The following C1R variants were observed in gnomAD, a reference collection of about 807,000 sequenced individuals.
C1R encodes the protein complement C1r.
Under a neutral mutation model 27.6 loss-of-function variants are expected in C1R, and 15 were observed. The observed-to-expected ratio is 0.54, with a 90% CI of 0.36 to 0.84. The LOEUF (loss-of-function observed/expected upper bound fraction) is 0.84, where lower values mean the gene tolerates loss of function less well. Ranked by LOEUF, C1R falls within the 40% of genes least tolerant of loss-of-function variation. C1R has a pLI of 0.01. For synonymous variants in C1R, 253 were observed against 228.8 expected (o/e 1.11, Z -0.95); for missense variants, 544 against 577.9 (o/e 0.94, Z 0.60).
intron 7 of C1R, among the ~76,000 whole-genome samples, chr12:7,088,047 C>T (rs774351235): frequency 6.6e-6 from 1 of 152,194 alleles, no homozygotes; most frequent in African/African-American, 2.4e-5. Flanking sequence ...GGGAGACCAC[C>T]AACATGTGTA....
rs1394188412 is a variant in C1R at position 7,089,398 on chromosome 12, G to A, written c.663C>T (p.Asn221=). ...PRSYPPDLRC[N]YSIRVERGLT... ...GGCCCCGCTCCACCCGGATGCTGTAGTTGCAGCGCAGGTCAGGGGGGTAGG... is the reference window on the plus strand; with the variant it reads ...GGCCCCGCTCCACCCGGATGCTGTAATTGCAGCGCAGGTCAGGGGGGTAGG... The change falls in exon 5 of 11, where the codon AAC becomes AAT. Residue 221 remains asparagine, a synonymous_variant. Coordinates refer to ENST00000647956, the MANE Select transcript of C1R (RefSeq NM_001733.7). 1.3e-6 allele frequency: 1 copy of A among 780,562 alleles called. No individual in the cohort carries two copies. The highest frequency in any genetic ancestry group is 2.4e-5 in the East Asian group (1 of 41,260). 48.4% of individuals were successfully genotyped at this position (780,562 alleles called of 1,614,324 possible).
intron 7 of C1R, chr12:7,088,382 G>A: frequency 1.4e-6 from 1 of 700,212 alleles, no homozygotes; most frequent in Non-Finnish European, 2.6e-6. Flanking sequence ...CTGGAGTGCA[G>A]TGGCTATTCA....
At chr12:7,082,161 G>A in intron 9 of C1R, 55 bp from the exon 10 acceptor site, 3 of 1,001,884 alleles carry the variant, frequency 3.0e-6, no homozygotes, top group East Asian at 2.6e-5. Context: ...AGAAAACTAG[G>A]TTGCAGAGGC....
rs774918402 is a variant in C1R, at chr12:7,091,077, C to T, written c.231+375G>A. 7.2e-6 allele frequency: 2 copies of T among 276,436 alleles called. No homozygotes were observed. The highest frequency in any genetic ancestry group is 4.6e-5 in the African/African-American group (2 of 43,170). 17.1% of individuals were successfully genotyped at this position (276,436 alleles called of 1,614,324 possible). ...TGCTGCCAGAGCCCACATTTCTCCT[C>T]CTCATGTCCCTGTGTTCCTGTTGAA... On this transcript the variant is annotated intron_variant, in intron 2 of 10. Transcript: ENST00000647956. This position sits in a 1 kb window ranked among gnomAD's most constrained non-coding sequence, Gnocchi z 5.1.
rs1031627439 is a variant in C1R, at chr12:7,082,211, G to A, written c.1274-105C>T. ...TGTGCTTGATGGGGAGAGGGGCAGG[G>A]AGGAGCCAACATGGCAAGGGCCAAA... is the stretch of plus-strand genomic sequence containing the variant. On this transcript the variant is annotated intron_variant, in intron 9 of 10. Transcript: ENST00000647956. 1.4e-5 allele frequency: 10 copies of A among 715,880 alleles called. No individual in the cohort carries two copies. In the Admixed American group the frequency reaches 2.0e-4, roughly 14 times the overall value. 44.3% of individuals were successfully genotyped at this position (715,880 alleles called of 1,614,324 possible).
chr12:7,087,258 G>C (rs936040604), intron 7 of C1R: 1 of 152,370 alleles, frequency 6.6e-6, no homozygotes, highest in Non-Finnish European at 1.5e-5. Flanking sequence ...CCAGCAACTC[G>C]GGTGGCTGAG....
At chr12:7,089,168 C>A in intron 5 of C1R, 125 bp downstream of exon 5, 1 of 662,168 alleles carries the variant, frequency 1.5e-6, no homozygotes, top group Non-Finnish European at 2.8e-6. Flanking sequence ...ACTTACCCAG[C>A]CCATGGGTGA....
intron 9 of C1R, among the ~76,000 whole-genome samples, chr12:7,083,365 GATGGTGGTGACA>G (rs1227790177): frequency 6.6e-6 from 1 of 152,264 alleles, no homozygotes; most frequent in Admixed American, 6.5e-5. Flanking sequence ...TGTTGGTAAT[GATGGTGGTGACA>G]GTGGTGTTGG....
chr12:7,088,784 CT>C (rs1565630422), intron 6 of C1R, 53 bp from the exon 7 acceptor site: 1 of 775,356 alleles, frequency 1.3e-6, no homozygotes, highest in Non-Finnish European at 2.4e-6. Context: ...GTCCTTCCTT[CT>C]TCCCCCCTTT....
rs1232507665 is a variant in C1R at position 7,080,705 on chromosome 12, C to T, written c.1945G>A (p.Ala649Thr). Residue 649 changes from alanine to threonine, a missense_variant, in exon 11 of 11, where the codon GCC (alanine) becomes ACC (threonine). Transcript: ENST00000647956. The surrounding 1 kb of genome is among the most constrained non-coding windows in gnomAD (Gnocchi z 4.9). ...CAGHPSLKQD[A>T]CQGDSGGVFA... ...ACGCCCCCACTATCCCCCTGGCAGGCGTCCTGCTTTAGAGATGGGTGTCCA... is the reference window on the plus strand; with the variant it reads ...ACGCCCCCACTATCCCCCTGGCAGGTGTCCTGCTTTAGAGATGGGTGTCCA... 10 of 1,614,004 alleles carry T rather than the reference C, an allele frequency of 6.2e-6. No homozygotes were observed. The highest frequency in any genetic ancestry group is 2.2e-5 in the East Asian group (1 of 44,884).
intron 7 of C1R, chr12:7,087,436 A>G (rs1938172830): frequency 1.3e-5 from 2 of 154,424 alleles, no homozygotes; most frequent in African/African-American, 4.8e-5. Flanking sequence ...AGCCCTGGAA[A>G]AGGTTGTAAG....
intron 2 of C1R, among the ~76,000 whole-genome samples, chr12:7,090,697 G>A (rs550057004): frequency 1.5e-4 from 23 of 152,184 alleles, no homozygotes; most frequent in South Asian, 2.1e-4. Context: ...TGATGCCCTC[G>A]GCGGAACATG....
At position 7,091,326 on chromosome 12, in the gene C1R, C is replaced by G. The variant is rs1443142122; in HGVS notation, c.231+126G>C. The G allele has an allele frequency of 3.0e-6, 2 of 657,722 alleles. No individual in the cohort carries two copies. Among genetic ancestry groups the G allele is most frequent in the Non-Finnish European group, 5.4e-6 (2 of 367,798 alleles). The allele number at this position is 657,722 out of a possible 1,614,324, so 40.7% of individuals were successfully genotyped here. A position where few individuals can be genotyped will look rare whatever the true frequency, so the allele number is the denominator to read the frequency against. Reference sequence around the variant, plus strand: ...CCCATCCAGGGCATCCCCGGGCTCTCAGAGAGGCCGTTGGCCATCAGCTCT... The same window carrying G: ...CCCATCCAGGGCATCCCCGGGCTCTGAGAGAGGCCGTTGGCCATCAGCTCT... On this transcript the variant is annotated intron_variant, in intron 2 of 10. Transcript: ENST00000647956. This position sits in a 1 kb window ranked among gnomAD's most constrained non-coding sequence, Gnocchi z 5.1.
chr12:7,083,183 A>G (rs1359848891), intron 9 of C1R, among the ~76,000 whole-genome samples: 1 of 152,124 alleles, frequency 6.6e-6, no homozygotes, highest in Non-Finnish European at 1.5e-5. Flanking sequence ...TGTAGTGGTC[A>G]TGATGGTGGT....
chr12:7,084,790 CATGATGGTGATAATGAGAGTGGTGAT>C (rs1938113837), intron 9 of C1R, among the ~76,000 whole-genome samples: 1 of 56,230 alleles, frequency 1.8e-5, no homozygotes, highest in Non-Finnish European at 3.4e-5. Context: ...TGTTGGTAAT[CATGATGGTGATAATGAGAGTGGTGAT>C]AGTGGTGTTG....
chr12:7,091,336 G>T lies in C1R; in HGVS notation c.231+116C>A. The T allele has an allele frequency of 1.5e-6, 1 of 665,018 alleles. No individual in the cohort carries two copies. 41.2% of individuals were successfully genotyped at this position (665,018 alleles called of 1,614,324 possible). A position where few individuals can be genotyped will look rare whatever the true frequency, so the allele number is the denominator to read the frequency against. On this transcript the variant is annotated intron_variant, in intron 2 of 10. Transcript: ENST00000647956. The surrounding 1 kb of genome is among the most constrained non-coding windows in gnomAD (Gnocchi z 5.1). The stretch of plus-strand genomic sequence containing the variant: ...GCATCCCCGGGCTCTCAGAGAGGCC[G>T]TTGGCCATCAGCTCTTGTGGGGCTG...
intron 9 of C1R, among the ~76,000 whole-genome samples, chr12:7,084,725 G>A: frequency 2.0e-5 from 1 of 50,550 alleles, no homozygotes; most frequent in East Asian, 7.1e-4. Flanking sequence ...GGTGACGATG[G>A]TGTTGGTGGT....
rs773665780 is a variant in C1R, at chr12:7,081,201, G to A, written c.1449C>T (p.Ile483=). The A allele has an allele frequency of 4.3e-6, 7 of 1,613,578 alleles. No homozygotes were observed. The East Asian group carries it at 8.9e-5, about 21-fold the overall frequency. ...GCAGGGCCCCGCCCCCGCGCCCGTG[G>A]ATGTTGGTGAACACCTGCCAGGGGA... ...GNFPWQVFTN[I]HGRGGGALLG... is the part of the protein sequence containing the mutation. The change falls in exon 11 of 11, where the codon ATC becomes ATT. Residue 483 remains isoleucine, a synonymous_variant. Coordinates refer to ENST00000647956, the MANE Select transcript of C1R (RefSeq NM_001733.7).
At chr12:7,086,243 T>A (rs1396931725) in intron 8 of C1R, 136 bp downstream of exon 8, 32 of 397,526 alleles carry the variant, frequency 8.0e-5, no homozygotes, top group Non-Finnish European at 1.3e-4. Context: ...AGATGGCCCA[T>A]AGGCATCAAA....
Sources: gnomAD v4.1 joint callset for allele counts (sites outside exome capture counted in the v4.1 genomes callset) on GRCh38, gnomAD v4.1.1 for gene constraint, Gnocchi (gnomAD v3.1) non-coding constraint, MANE v1.5 for transcripts, NCBI Gene and HGNC (gene_info 2026-07-23, HGNC 2026-07-21) for gene names.